The following FAT4 variants were observed in gnomAD, a reference collection of about 807,000 sequenced individuals.
FAT4 encodes the protein protocadherin Fat 4.
In FAT4, 84 loss-of-function variants were observed where a neutral mutation model predicts 303.9. The observed-to-expected ratio is 0.28, with a 90% CI of 0.23 to 0.33. The LOEUF is 0.33. Ranked by LOEUF, FAT4 falls within the 10% of genes least tolerant of loss-of-function variation. The pLI, the probability that FAT4 is intolerant of heterozygous loss-of-function variation, is 1.00. For synonymous variants in FAT4, 2,307 were observed against 2,298.8 expected (o/e 1.00, Z -0.10); for missense variants, 6,005 against 6,146.8 (o/e 0.98, Z 0.77).
At chr4:125,373,012 T>A (rs1373996937) in intron 2 of FAT4, among the ~76,000 whole-genome samples, 1 of 152,150 alleles carries the variant, frequency 6.6e-6, no homozygotes. Flanking sequence ...AAAAATAGCT[T>A]TGCCATTTTT....
At chr4:125,347,598 A>C (rs527791192) in intron 2 of FAT4, among the ~76,000 whole-genome samples, 1 of 151,714 alleles carries the variant, frequency 6.6e-6, no homozygotes, top group South Asian at 2.1e-4. Flanking sequence ...TAAAGCATAA[A>C]TATAAATCAT....
intron 10 of FAT4, among the ~76,000 whole-genome samples, chr4:125,460,548 TTCC>T (rs1726447652): frequency 6.6e-6 from 1 of 152,112 alleles, no homozygotes; most frequent in African/African-American, 2.4e-5. Context: ...TGGTTTTCTG[TTCC>T]TATGTTAGTT....
At chr4:125,461,826 A>G (rs1393646360) in intron 10 of FAT4, among the ~76,000 whole-genome samples, 1 of 151,900 alleles carries the variant, frequency 6.6e-6, no homozygotes, top group African/African-American at 2.4e-5. Context: ...AAAAATCTAC[A>G]TCACTAAAAT....
At chr4:125,364,349 A>T (rs563925677) in intron 2 of FAT4, among the ~76,000 whole-genome samples, 1 of 152,196 alleles carries the variant, frequency 6.6e-6, no homozygotes, top group Non-Finnish European at 1.5e-5. Flanking sequence ...TCAGCATCAC[A>T]ATCTGTTTAT....
At chr4:125,400,147 G>C (rs1480318830) in intron 3 of FAT4, among the ~76,000 whole-genome samples, 3 of 151,758 alleles carry the variant, frequency 2.0e-5, no homozygotes, top group Admixed American at 1.3e-4. Flanking sequence ...TCTAAGAATA[G>C]AGCAAATAAA....
In FAT4 at chr4:125,452,163, G is replaced by A. The variant is rs139635339; in HGVS notation, c.11153G>A (p.Arg3718His). The part of the protein sequence containing the change: ...NATVDNSILL[R>H]LGVPTVKDFL... ...ACAGTGGATAACAGCATCTTACTTC[G>A]TCTCGGCGTACCAACAGTAAAGGAC... Residue 3718 changes from arginine (R) to histidine (H), a missense_variant, in exon 10 of 18, where the codon CGT (arginine) becomes CAT (histidine). By Grantham distance (29) the Arg-to-His change is conservative. Coordinates refer to ENST00000394329, the MANE Select transcript of FAT4 (RefSeq NM_001291303.3). 4.1e-4 allele frequency: 668 copies of A among 1,614,028 alleles called. No individual in the cohort carries two copies. The highest frequency in any genetic ancestry group is 5.2e-4 in the Non-Finnish European group (615 of 1,180,038).
chr4:125,481,708 C>T lies in FAT4; in HGVS notation c.12792C>T (p.Ile4264=), dbSNP rs1030247873. 1.2e-6 allele frequency: 2 copies of T among 1,613,846 alleles called. No homozygotes were observed. Among genetic ancestry groups the T allele is most frequent in the African/African-American group, 2.7e-5 (2 of 74,896 alleles). The change falls in exon 16 of 18, where the codon ATC becomes ATT. Residue 4264 remains isoleucine, a synonymous_variant. Transcript: ENST00000394329. The part of the protein sequence containing the change: ...TRSENGVLIH[I]QESSNYTTVK... ...GCGAGAATGGCGTTTTAATCCATAT[C>T]CAAGAAAGCAGCAATTACACTACTG...
chr4:125,425,114 A>G (rs887122738), intron 7 of FAT4, among the ~76,000 whole-genome samples: 1 of 152,252 alleles, frequency 6.6e-6, no homozygotes, highest in African/African-American at 2.4e-5. Context: ...TAAACATTAG[A>G]TGATATTCAT....
At position 125,340,820 on chromosome 4, in the gene FAT4, A is replaced by T. The variant is rs553664001; in HGVS notation, c.5175+19234A>T. 9.2e-5 allele frequency among the ~76,000 whole-genome samples: 14 copies of T among 152,170 alleles called. 1 individual carries two copies. Among genetic ancestry groups the T allele is most frequent in the Non-Finnish European group, 2.1e-4 (14 of 68,020 alleles). On this transcript the variant is annotated intron_variant, in intron 2 of 17. Coordinates refer to ENST00000394329, the MANE Select transcript of FAT4 (RefSeq NM_001291303.3). The stretch of plus-strand genomic sequence containing the variant: ...GTAGTAGTAGTAGGATAATCAACAC[A>T]TGGAACACTAAGGGATAGTTATCTT...
intron 11 of FAT4, among the ~76,000 whole-genome samples, chr4:125,464,751 A>C (rs2126072613): frequency 6.6e-6 from 1 of 152,006 alleles, no homozygotes; most frequent in South Asian, 2.1e-4. Context: ...CCCACCTATG[A>C]GTGAGAACAT....
Position 125,415,304 on chromosome 4 carries a change from GAGA to G in FAT4, c.6347_6349del (p.Glu2116del), listed in dbSNP as rs779114400. The G allele has an allele frequency of 9.3e-6, 15 of 1,613,948 alleles. No homozygotes were observed. The highest frequency in any genetic ancestry group is 1.7e-5 in the Admixed American group (1 of 59,984). ...GTGAGGCTCACTGGAGAACTGGACA[GAGA>G]AGAAGTTTCTAATTATACTCTAACA... On this transcript the variant is annotated inframe_deletion, in exon 6 of 18. Transcript: ENST00000394329.
chr4:125,389,773 C>T (rs1733908571), intron 2 of FAT4, among the ~76,000 whole-genome samples: 1 of 152,136 alleles, frequency 6.6e-6, no homozygotes, highest in African/African-American at 2.4e-5. Flanking sequence ...CAAGTTTGAA[C>T]AAAGTTGATT....
intron 10 of FAT4, among the ~76,000 whole-genome samples, chr4:125,463,276 C>T (rs1031557097): frequency 6.6e-6 from 1 of 151,804 alleles, no homozygotes; most frequent in African/African-American, 2.4e-5. Context: ...TCAGTGAAAG[C>T]ATTTAAATAT....
chr4:125,491,959 G>A lies in FAT4; in HGVS notation c.*191G>A. 1.7e-6 allele frequency: 1 copy of A among 582,548 alleles called. No individual in the cohort carries two copies. The highest frequency in any genetic ancestry group is 2.9e-6 in the Non-Finnish European group (1 of 346,790). 36.1% of individuals were successfully genotyped at this position (582,548 alleles called of 1,614,324 possible). ...AACAACTCTTAATTTAAACATGTGT[G>A]GTTGAATTTATTTCCCTGCATGCAT... On this transcript the variant is annotated 3_prime_UTR_variant, in exon 18 of 18. Coordinates refer to ENST00000394329, the MANE Select transcript of FAT4 (RefSeq NM_001291303.3).
At position 125,317,828 on chromosome 4, in the gene FAT4, C is replaced by T; in HGVS notation, c.1417C>T (p.Pro473Ser). ...TGTTAATGACATCAATGACCATCCT[C>T]CTGTCTTTTCACAGCAAGTGTACAG... ...IFVNDINDHPPVFSQQVYRVN... is the reference protein window; with the variant it reads ...IFVNDINDHPSVFSQQVYRVN... The change falls in exon 2 of 18, where the codon CCT becomes TCT. Residue 473 changes from proline to serine, a missense_variant. Transcript: ENST00000394329. The surrounding 1 kb of genome is among the most constrained non-coding windows in gnomAD (Gnocchi z 7.0). 1 of 1,614,216 alleles carries T rather than the reference C, an allele frequency of 6.2e-7. No homozygotes were observed. Among genetic ancestry groups the T allele is most frequent in the Non-Finnish European group, 8.5e-7 (1 of 1,180,038 alleles).
At chr4:125,456,200 A>G (rs1181969559) in intron 10 of FAT4, among the ~76,000 whole-genome samples, 1 of 152,178 alleles carries the variant, frequency 6.6e-6, no homozygotes, top group Non-Finnish European at 1.5e-5. Context: ...TCAGCAGATG[A>G]TATGTGGCTC....
In FAT4 at chr4:125,452,436, T is replaced by G; in HGVS notation, c.11426T>G (p.Val3809Gly). 6.2e-7 allele frequency: 1 copy of G among 1,614,098 alleles called. No individual in the cohort carries two copies. The highest frequency in any genetic ancestry group is 8.5e-7 in the Non-Finnish European group (1 of 1,180,018). The change falls in exon 10 of 18, where the codon GTG becomes GGG. Residue 3809 changes from valine (V) to glycine (G), a missense_variant. Coordinates refer to ENST00000394329, the MANE Select transcript of FAT4 (RefSeq NM_001291303.3). ...KVESVDHDSC[V>G]HGPCQNGGSC... ...GAATCTGTGGATCATGACTCCTGTGTGCATGGCCCATGTCAGAATGGAGGG... is the reference window on the plus strand; with the variant it reads ...GAATCTGTGGATCATGACTCCTGTGGGCATGGCCCATGTCAGAATGGAGGG...
At chr4:125,321,725 CAAAGGCTAACAG>C (rs1730962279) in intron 2 of FAT4, 139 bp downstream of exon 2, 2 of 849,142 alleles carry the variant, frequency 2.4e-6, no homozygotes, top group Admixed American at 6.3e-5. Context: ...AATGTTCTGT[CAAAGGCTAACAG>C]AGAGTTACAT....
chr4:125,448,922 G>A lies in FAT4; in HGVS notation c.7912G>A (p.Val2638Ile). The A allele has an allele frequency of 6.2e-7, 1 of 1,612,940 alleles. No individual in the cohort carries two copies. ...PLDFEKIQKYVVWIEARDGGF... is the reference protein window; with the variant it reads ...PLDFEKIQKYIVWIEARDGGF... ...GGATTTTGAAAAGATACAAAAATAT[G>A]TTGTATGGATAGAGGCCAGAGACGG... Residue 2638 changes from valine to isoleucine, a missense_variant, in exon 10 of 18, where the codon GTT becomes ATT. Physicochemically the swap from Val to Ile is conservative, Grantham distance 29. Coordinates refer to ENST00000394329, the MANE Select transcript of FAT4 (RefSeq NM_001291303.3).
Sources: allele counts gnomAD v4.1 joint callset (sites outside exome capture counted in the v4.1 genomes callset), GRCh38; gene constraint gnomAD v4.1.1; non-coding constraint Gnocchi (gnomAD v3.1); transcripts MANE v1.5; gene names NCBI Gene and HGNC (gene_info 2026-07-23, HGNC 2026-07-21).